Variants in DONSON observed in about 807,000 individuals in gnomAD.
DONSON encodes the protein protein downstream neighbor of Son.
In DONSON, 43 loss-of-function variants were observed where a neutral mutation model predicts 62.1. The ratio of observed to expected loss-of-function variants is 0.69; its 90% CI spans 0.54 to 0.89. DONSON has a LOEUF of 0.89. DONSON is among the 40% of genes least tolerant of loss of function. The probability of loss-of-function intolerance (pLI) is 0.00; values close to 1 mark genes in which losing one functional copy is unlikely to be tolerated. For synonymous variants in DONSON, 266 were observed against 264.6 expected (o/e 1.01, Z -0.05); for missense variants, 696 against 697.5 (o/e 1.00, Z 0.03).
Position 33,577,601 on chromosome 21 carries a change from CCCTACACACACACACACACACACACA to C in DONSON, c.*680_*705del, listed in dbSNP as rs2086432050. 9.0e-6 allele frequency: 1 copy of C among 111,686 alleles called. No homozygotes were observed. The highest frequency in any genetic ancestry group is 3.4e-5 in the African/African-American group (1 of 29,248). 6.9% of individuals were successfully genotyped at this position (111,686 alleles called of 1,614,324 possible). A position where few individuals can be genotyped will look rare whatever the true frequency, so the allele number is the denominator to read the frequency against. On this transcript the variant is annotated 3_prime_UTR_variant, in exon 10 of 10. Transcript: ENST00000303071. ...TAAAAATGTGAATTATACAGTCCCC[CCCTACACACACACACACACACACACA>C]CACACACACACACACACACACACAC...
intron 3 of DONSON, among the ~76,000 whole-genome samples, chr21:33,585,234 T>A (rs1004796093): frequency 1.2e-4 from 19 of 152,074 alleles, no homozygotes; most frequent in East Asian, 3.8e-4. Flanking sequence ...TTTAAAAAAA[T>A]TTTTTTAAGA....
In DONSON at chr21:33,582,144, AAAGTTATTTTAATC is replaced by A. The variant is rs1569075410; in HGVS notation, c.1046+7_1046+20del. 9 of 1,612,858 alleles carry A rather than the reference AAAGTTATTTTAATC, an allele frequency of 5.6e-6. No individual in the cohort carries two copies. In the African/African-American group the frequency reaches 9.3e-5, roughly 17 times the overall value. ...GAGTCCATAAGTCAGTGGATGATAT[AAAGTTATTTTAATC>A]ACATACTCCCCATATCCCAAGCTTG... is the stretch of plus-strand genomic sequence containing the variant. On this transcript the variant is annotated splice_region_variant and intron_variant, in intron 6 of 9. Transcript: ENST00000303071.
At chr21:33,579,617 T>A in intron 8 of DONSON, 55 bp from the exon 9 acceptor site, 3 of 1,427,196 alleles carry the variant, frequency 2.1e-6, no homozygotes, top group Non-Finnish European at 2.9e-6. Flanking sequence ...ACCTTTTGCC[T>A]AGCCAAAAAT....
intron 7 of DONSON, 39 bp downstream of exon 7, chr21:33,581,912 A>G (rs1316176124): frequency 7.6e-6 from 12 of 1,571,046 alleles, no homozygotes; most frequent in Non-Finnish European, 1.1e-5. Flanking sequence ...ACGTCATTCA[A>G]TGAAAATTAA....
Position 33,578,102 on chromosome 21 carries a change from T to C in DONSON, c.*205A>G, listed in dbSNP as rs930173792. The stretch of plus-strand genomic sequence containing the variant: ...CAATTAGGTTGTAGGGATATAGATA[T>C]CTCATTTGAGTTATCTGAGTTTTTC... On this transcript the variant is annotated 3_prime_UTR_variant, in exon 10 of 10. Transcript: ENST00000303071. The C allele has an allele frequency of 1.6e-5, 8 of 512,662 alleles. No individual in the cohort carries two copies. The highest frequency in any genetic ancestry group is 3.9e-5 in the African/African-American group (2 of 51,896). 31.8% of individuals were successfully genotyped at this position (512,662 alleles called of 1,614,324 possible).
Position 33,579,330 on chromosome 21 carries a change from G to A in DONSON, c.1563+20C>T, listed in dbSNP as rs762712907. 22 of 1,549,432 alleles carry A rather than the reference G, an allele frequency of 1.4e-5. No individual in the cohort carries two copies. Among genetic ancestry groups the A allele is most frequent in the Non-Finnish European group, 1.9e-5 (22 of 1,140,314 alleles). ...GAGGAAACTACAACTAAAACAGTCT[G>A]CTCATAGGTGTCTACTTACCATATC... On this transcript the variant is annotated intron_variant, in intron 9 of 9. Transcript: ENST00000303071.
rs2145905708 is a variant in DONSON, at chr21:33,584,679, G to A, written c.696C>T (p.Phe232=). Reference sequence around the variant, plus strand: ...TTTTTCTATCAGCTCCAATACGAGGGAACAGTGGTAGCCAAGACAAAGCAG... The same window carrying A: ...TTTTTCTATCAGCTCCAATACGAGGAAACAGTGGTAGCCAAGACAAAGCAG... ...LHPALSWLPL[F]PRIGADRKMA... Residue 232 remains phenylalanine, a synonymous_variant, in exon 4 of 10, where the codon TTC becomes TTT. Coordinates refer to ENST00000303071, the MANE Select transcript of DONSON (RefSeq NM_017613.4). The A allele has an allele frequency of 6.2e-7, 1 of 1,613,224 alleles. No homozygotes were observed. The highest frequency in any genetic ancestry group is 1.1e-5 in the South Asian group (1 of 90,972).
chr21:33,578,237 T>A lies in DONSON; in HGVS notation c.*70A>T. 6.6e-7 allele frequency: 1 copy of A among 1,525,090 alleles called. No individual in the cohort carries two copies. Among genetic ancestry groups the A allele is most frequent in the Non-Finnish European group, 8.9e-7 (1 of 1,121,604 alleles). 94.5% of individuals were successfully genotyped at this position (1,525,090 alleles called of 1,614,324 possible). On this transcript the variant is annotated 3_prime_UTR_variant, in exon 10 of 10. Coordinates refer to ENST00000303071, the MANE Select transcript of DONSON (RefSeq NM_017613.4). The stretch of plus-strand genomic sequence containing the variant: ...AACATTTCAGTATATTCCTTCAACT[T>A]CAAGAATCTTGAATTTCCTTGCTAG...
At chr21:33,582,939 C>T (rs1046292791) in intron 5 of DONSON, among the ~76,000 whole-genome samples, 21 of 152,030 alleles carry the variant, frequency 1.4e-4, no homozygotes, top group African/African-American at 4.3e-4. Context: ...CGGTGGCTCA[C>T]GCCTGTAAGC....
At chr21:33,578,527 CAAAT>C (rs1486652215) in intron 9 of DONSON, 83 bp from the exon 10 acceptor site, 10 of 1,374,422 alleles carry the variant, frequency 7.3e-6, no homozygotes, top group Middle Eastern at 2.0e-4. Context: ...TGGAGACTGA[CAAAT>C]AAATGGCTGA....
intron 2 of DONSON, 44 bp from the exon 3 acceptor site, chr21:33,586,225 A>G: frequency 6.5e-7 from 1 of 1,532,442 alleles, no homozygotes; most frequent in Non-Finnish European, 9.0e-7. Context: ...GTATCAAGAA[A>G]AAACCTTCAA....
intron 2 of DONSON, 98 bp from the exon 3 acceptor site, chr21:33,586,279 T>C (rs2086576752): frequency 2.1e-6 from 2 of 964,502 alleles, no homozygotes; most frequent in East Asian, 2.6e-5. Flanking sequence ...AAAGTAAAAA[T>C]CATATAAGCT....
At chr21:33,579,185 A>G (rs1432715473) in intron 9 of DONSON, among the ~76,000 whole-genome samples, 165 bp downstream of exon 9, 4 of 152,138 alleles carry the variant, frequency 2.6e-5, no homozygotes, top group African/African-American at 9.7e-5. Flanking sequence ...AAGCTACCTC[A>G]CATAAACAAC....
chr21:33,588,362 G>T lies in DONSON; in HGVS notation c.280C>A (p.Pro94Thr). Residue 94 changes from proline (P) to threonine (T), a missense_variant, in exon 1 of 10, where the codon CCC becomes ACC. By Grantham distance (38) the Pro-to-Thr change is conservative. Coordinates refer to ENST00000303071, the MANE Select transcript of DONSON (RefSeq NM_017613.4). ...GGCTGCTCGCGGGCCGGCCCGTCGG[G>T]GGGCTCCGCGGCGACCCGCGGTCGG... ...DNRPRVAAEP[P>T]DGPAREQPEA... 7.7e-7 allele frequency: 1 copy of T among 1,291,748 alleles called. No homozygotes were observed. The highest frequency in any genetic ancestry group is 2.7e-5 in the South Asian group (1 of 36,712). 80.0% of individuals were successfully genotyped at this position (1,291,748 alleles called of 1,614,324 possible).
At position 33,581,959 on chromosome 21, in the gene DONSON, A is replaced by AG. The variant is rs1247764954; in HGVS notation, c.1142dup (p.Ile382TyrfsTer5). 1.2e-6 allele frequency: 2 copies of AG among 1,613,970 alleles called. No individual in the cohort carries two copies. The highest frequency in any genetic ancestry group is 3.3e-5 in the Admixed American group (2 of 60,014). Reference sequence around the variant, plus strand: ...AACAACTGAAAGGATACAGCTTGATAGAAAGTATGTCTGGCTTTTTAATTT... The same window carrying AG: ...AACAACTGAAAGGATACAGCTTGATAGGAAAGTATGTCTGGCTTTTTAATTT... On this transcript the variant is annotated frameshift_variant, in exon 7 of 10. Coordinates refer to ENST00000303071, the MANE Select transcript of DONSON (RefSeq NM_017613.4). LOFTEE classifies it high-confidence loss of function.
chr21:33,587,393 T>C (rs1164909648), intron 2 of DONSON, 129 bp downstream of exon 2: 1 of 1,399,098 alleles, frequency 7.1e-7, no homozygotes, highest in African/African-American at 1.5e-5. Context: ...TGATCAAGCC[T>C]CTCTGTAAAA....
chr21:33,582,673 A>C (rs1162298389), intron 5 of DONSON, among the ~76,000 whole-genome samples: 1 of 152,170 alleles, frequency 6.6e-6, no homozygotes, highest in African/African-American at 2.4e-5. Context: ...AGAGAACACT[A>C]TGTGGAAGGA....
Position 33,586,111 on chromosome 21 carries a change from C to G in DONSON, c.473G>C (p.Ser158Thr). 6.2e-7 allele frequency: 1 copy of G among 1,614,164 alleles called. No homozygotes were observed. The highest frequency in any genetic ancestry group is 1.3e-5 in the African/African-American group (1 of 75,038). Residue 158 changes from serine (S) to threonine (T), a missense_variant, in exon 3 of 10, where the codon AGT (serine) becomes ACT (threonine). Transcript: ENST00000303071. ...GGTGAAAAGGAGTCGCGTTTTAATA[C>G]TCCAGTCCACAGGTAACTCAGTACT... ...SKSTELPVDWSIKTRLLFTSS... is the reference protein window; with the variant it reads ...SKSTELPVDWTIKTRLLFTSS...
chr21:33,584,073 T>G (rs1430714939), intron 4 of DONSON, among the ~76,000 whole-genome samples: 1 of 144,520 alleles, frequency 6.9e-6, no homozygotes, highest in Non-Finnish European at 1.5e-5. Flanking sequence ...GAGACGGAGT[T>G]TCGCTCTGTC....
Sources: gnomAD v4.1 joint callset for allele counts (sites outside exome capture counted in the v4.1 genomes callset) on GRCh38, gnomAD v4.1.1 for gene constraint, MANE v1.5 for transcripts, NCBI Gene and HGNC (gene_info 2026-07-23, HGNC 2026-07-21) for gene names.